ITPA: variants seen among roughly 807,000 people sequenced by gnomAD.
The protein encoded by ITPA is inosine triphosphate pyrophosphatase.
Under a neutral mutation model 29.6 loss-of-function variants are expected in ITPA, and 29 were observed. The observed-to-expected ratio is 0.98, with a 90% CI of 0.73 to 1.34. The LOEUF (loss-of-function observed/expected upper bound fraction) is 1.34. Among genes scored for constraint, ITPA ranks in the 40% most tolerant of loss-of-function variants. The pLI is 0.00. For synonymous variants in ITPA, 103 were observed against 99.3 expected (o/e 1.04, Z -0.22); for missense variants, 241 against 251.5 (o/e 0.96, Z 0.28).
In ITPA at chr20:3,218,625, G is replaced by A. The variant is rs1328303955; in HGVS notation, c.404G>A (p.Arg135Gln). The A allele has an allele frequency of 2.5e-6, 4 of 1,610,538 alleles. No individual in the cohort carries two copies. The highest frequency in any genetic ancestry group is 1.3e-5 in the African/African-American group (1 of 74,880). The change falls in exon 6 of 8, where the codon CGG becomes CAG. Residue 135 changes from arginine (R) to glutamine (Q), a missense_variant. Arg to Gln is a conservative substitution (Grantham distance 43). Transcript: ENST00000380113. ...CAGCCCGTGCGCCTGTTCAGGGGCC[G>A]GACCTCGGTGCGTACCCACCTTGAT... is the stretch of plus-strand genomic sequence containing the variant. ...PSQPVRLFRG[R>Q]TSGRIVAPRG...
Position 3,223,349 on chromosome 20 carries a change from C to T in ITPA, c.489-17C>T. The T allele has an allele frequency of 6.3e-7, 1 of 1,597,918 alleles. No individual in the cohort carries two copies. Among genetic ancestry groups the T allele is most frequent in the African/African-American group, 1.3e-5 (1 of 74,732 alleles). ...TCCTGAATCTGGGCTCCCTGAGCTG[C>T]TACTGTCACCCCTCAGGTACGCAGA... is the stretch of plus-strand genomic sequence containing the variant. On this transcript the variant is annotated splice_polypyrimidine_tract_variant and intron_variant, in intron 7 of 7. Transcript: ENST00000380113.
chr20:3,204,631 G>A (rs1369788534), upstream of ITPA: 14 of 1,577,942 alleles, frequency 8.9e-6, no homozygotes, highest in East Asian at 2.5e-4. Flanking sequence ...CCACCATGAC[G>A]AGGGCCTCAG....
At chr20:3,213,263 T>C in intron 2 of ITPA, 37 bp downstream of exon 2, 1 of 1,614,234 alleles carries the variant, frequency 6.2e-7, no homozygotes, top group Non-Finnish European at 8.5e-7. Context: ...AAAAGATGGT[T>C]GGATTTCTCT....
At chr20:3,225,334 T>C (rs931708515), downstream of ITPA, among the ~76,000 whole-genome samples, 3 of 152,158 alleles carry the variant, frequency 2.0e-5, no homozygotes, top group African/African-American at 7.2e-5. Context: ...AGCTTGGTTA[T>C]GGAAAGACCA....
intron 5 of ITPA, 87 bp downstream of exon 5, chr20:3,215,399 G>A (rs1315331980): frequency 8.0e-7 from 1 of 1,255,872 alleles, no homozygotes; most frequent in African/African-American, 1.5e-5. Flanking sequence ...TAGTAATCAG[G>A]AGTCCCAGGT....
chr20:3,216,915 C>G (rs2067315873), intron 5 of ITPA, among the ~76,000 whole-genome samples: 1 of 151,580 alleles, frequency 6.6e-6, no homozygotes, highest in Non-Finnish European at 1.5e-5. Flanking sequence ...GAACCTCACT[C>G]CATCGCCCAG....
intron 1 of ITPA, among the ~76,000 whole-genome samples, chr20:3,211,975 G>A (rs535370420): frequency 6.6e-6 from 1 of 152,166 alleles, no homozygotes; most frequent in East Asian, 1.9e-4. Context: ...CTCTTGAGCC[G>A]AGGAGTTCAA....
chr20:3,222,033 G>C, intron 7 of ITPA, 116 bp downstream of exon 7: 3 of 1,006,412 alleles, frequency 3.0e-6, no homozygotes, highest in Non-Finnish European at 4.6e-6. Flanking sequence ...AGGCTCCCAG[G>C]GTGCTGTTCC....
chr20:3,206,144 T>G (rs2067068983), upstream of ITPA, among the ~76,000 whole-genome samples: 1 of 151,030 alleles, frequency 6.6e-6, no homozygotes, highest in South Asian at 2.1e-4. Flanking sequence ...ATCCCAGCAC[T>G]TTGGGAGGCT....
chr20:3,204,937 A>G (rs1388701102), upstream of ITPA, among the ~76,000 whole-genome samples: 1 of 150,478 alleles, frequency 6.6e-6, no homozygotes, highest in Non-Finnish European at 1.5e-5. Flanking sequence ...TGCAACCTCC[A>G]CCTCCCAGGT....
At chr20:3,223,315 G>A in intron 7 of ITPA, 51 bp from the exon 8 acceptor site, 4 of 1,349,176 alleles carry the variant, frequency 3.0e-6, no homozygotes, top group Non-Finnish European at 4.2e-6. Context: ...GGGAGGGGGT[G>A]CACTTCCTTC....
intron 6 of ITPA, 152 bp downstream of exon 6, chr20:3,218,784 T>G: frequency 2.9e-6 from 2 of 693,786 alleles, no homozygotes; most frequent in Non-Finnish European, 5.2e-6. Context: ...CTGCGCAGCA[T>G]AGGTAGAAGT....
chr20:3,221,589 G>A (rs753371260), intron 6 of ITPA, among the ~76,000 whole-genome samples: 6 of 152,300 alleles, frequency 3.9e-5, no homozygotes, highest in South Asian at 2.1e-4. Context: ...TGGCGAGGGC[G>A]CGTGGCCCCG....
At position 3,209,608 on chromosome 20, in the gene ITPA, G is replaced by A. The variant is rs748310335; in HGVS notation, c.57G>A (p.Lys19=). Residue 19 remains lysine (K), a synonymous_variant, in exon 1 of 8, where the codon AAG becomes AAA. Coordinates refer to ENST00000380113, the MANE Select transcript of ITPA (RefSeq NM_033453.4). This position sits in a 1 kb window ranked among gnomAD's most constrained non-coding sequence, Gnocchi z 4.6. ...KIVFVTGNAK[K]LEEVVQILGD... ...TGTTTGTAACGGGGAACGCCAAGAA[G>A]CTGGAGGAGGTGCCGGGAGGGTGTT... The A allele has an allele frequency of 2.5e-5, 41 of 1,613,982 alleles. No individual in the cohort carries two copies. The highest frequency in any genetic ancestry group is 3.3e-5 in the Non-Finnish European group (39 of 1,180,012).
At chr20:3,217,758 C>T (rs959186602) in intron 5 of ITPA, among the ~76,000 whole-genome samples, 5 of 152,050 alleles carry the variant, frequency 3.3e-5, no homozygotes, top group East Asian at 1.9e-4. Context: ...TATGAGCCAC[C>T]GAGTGCAGCC....
intron 5 of ITPA, among the ~76,000 whole-genome samples, chr20:3,216,260 A>G (rs2067296153): frequency 6.6e-6 from 1 of 150,682 alleles, no homozygotes; most frequent in Non-Finnish European, 1.5e-5. Context: ...CCCGGATTCA[A>G]GCGATTCTCC....
rs909467925 is a variant in ITPA, at chr20:3,214,176, C to T, written c.263+118C>T. The T allele has an allele frequency of 3.2e-5, 29 of 895,718 alleles. No homozygotes were observed. In the Admixed American group the frequency reaches 3.5e-4, roughly 11 times the overall value. 55.5% of individuals were successfully genotyped at this position (895,718 alleles called of 1,614,324 possible). A position where few individuals can be genotyped will look rare whatever the true frequency, so the allele number is the denominator to read the frequency against. On this transcript the variant is annotated intron_variant, in intron 4 of 7. Transcript: ENST00000380113. ...CTGTCTTAGCATCAACAGCCTTTCA[C>T]GTTGTCCCGAGGAAAGACGGGATAG...
At chr20:3,213,941 G>T in intron 3 of ITPA, 44 bp from the exon 4 acceptor site, 1 of 1,603,368 alleles carries the variant, frequency 6.2e-7, no homozygotes, top group Non-Finnish European at 8.5e-7. Context: ...TCCAGGTGGG[G>T]ATGGTGATCA....
At chr20:3,209,465 C>T (rs1014467877), upstream of ITPA, 33 of 1,254,962 alleles carry the variant, frequency 2.6e-5, no homozygotes, top group Middle Eastern at 1.8e-4. This position sits in a 1 kb window ranked among gnomAD's most constrained non-coding sequence, Gnocchi z 4.6. Flanking sequence ...GGAAACTGAG[C>T]CGTTCACTTC....
Sources: gnomAD v4.1 joint callset for allele counts (sites outside exome capture counted in the v4.1 genomes callset) on GRCh38, gnomAD v4.1.1 for gene constraint, Gnocchi (gnomAD v3.1) non-coding constraint, MANE v1.5 for transcripts, NCBI Gene and HGNC (gene_info 2026-07-23, HGNC 2026-07-21) for gene names.